LAPTM4B: variants seen among roughly 807,000 people sequenced by gnomAD.
The protein encoded by LAPTM4B is lysosomal protein transmembrane 4 beta.
LAPTM4B carries 26 observed loss-of-function variants against 28.5 expected under a neutral mutation model. The ratio of observed to expected loss-of-function variants is 0.91; its 90% CI spans 0.67 to 1.27. The LOEUF (loss-of-function observed/expected upper bound fraction) is 1.27, where lower values mean the gene tolerates loss of function less well. Ranked by LOEUF, LAPTM4B falls within the 50% of genes most tolerant of loss-of-function variation. LAPTM4B has a pLI of 0.00. For missense variants in LAPTM4B, 288 were observed against 285.8 expected (o/e 1.01, Z -0.06); for synonymous variants, 109 against 106.4 (o/e 1.02, Z -0.15).
At chr8:97,799,676 T>C (rs1816641579) in intron 1 of LAPTM4B, among the ~76,000 whole-genome samples, 1 of 152,174 alleles carries the variant, frequency 6.6e-6, no homozygotes, top group Non-Finnish European at 1.5e-5. Flanking sequence ...GCCAGTTTGT[T>C]CTTTCTAACA....
intron 3 of LAPTM4B, 23 bp downstream of exon 3, chr8:97,815,424 C>T (rs1427072800): frequency 6.4e-7 from 1 of 1,557,456 alleles, no homozygotes; most frequent in Non-Finnish European, 8.9e-7. Flanking sequence ...CAGTAAGATG[C>T]TGGCCTTTTC....
chr8:97,823,720 T>A (rs569497196), intron 5 of LAPTM4B, among the ~76,000 whole-genome samples: 1 of 130,616 alleles, frequency 7.7e-6, no homozygotes, highest in South Asian at 2.5e-4. Flanking sequence ...TTTTCGGAGA[T>A]GGAGTCTCGC....
At chr8:97,789,601 C>T (rs12676590) in intron 1 of LAPTM4B, among the ~76,000 whole-genome samples, 1 of 147,030 alleles carries the variant, frequency 6.8e-6, no homozygotes, top group African/African-American at 2.5e-5. Context: ...GATCTCGGCT[C>T]ATCGCAACCC....
At chr8:97,844,410 T>C (rs1817398745) in intron 6 of LAPTM4B, among the ~76,000 whole-genome samples, 1 of 152,174 alleles carries the variant, frequency 6.6e-6, no homozygotes, top group South Asian at 2.1e-4. Context: ...GCTGTTCTAA[T>C]GCTAGAACTC....
chr8:97,778,430 C>G (rs1270069171), intron 1 of LAPTM4B, among the ~76,000 whole-genome samples: 1 of 151,948 alleles, frequency 6.6e-6, no homozygotes, highest in African/African-American at 2.4e-5. Flanking sequence ...AAGACTCCAT[C>G]TTGGCTCCTT....
At chr8:97,787,659 C>G (rs181692355) in intron 1 of LAPTM4B, among the ~76,000 whole-genome samples, 1 of 152,278 alleles carries the variant, frequency 6.6e-6, no homozygotes, top group Admixed American at 6.5e-5. Flanking sequence ...TTAAAGAATA[C>G]AAGTCCTTTA....
intron 2 of LAPTM4B, among the ~76,000 whole-genome samples, chr8:97,810,998 T>G (rs988323881): frequency 1.3e-5 from 2 of 152,126 alleles, no homozygotes. Context: ...AAAGAAGATA[T>G]CCATAAGAGA....
chr8:97,816,555 C>T (rs1169632754), intron 4 of LAPTM4B, among the ~76,000 whole-genome samples: 1 of 152,140 alleles, frequency 6.6e-6, no homozygotes, highest in Non-Finnish European at 1.5e-5. Context: ...TCTTGGCCTC[C>T]CAAAGTGCTG....
At chr8:97,823,388 T>TG (rs1817041390) in intron 5 of LAPTM4B, among the ~76,000 whole-genome samples, 4 of 117,264 alleles carry the variant, frequency 3.4e-5, no homozygotes, top group Admixed American at 9.5e-5. Flanking sequence ...TGTTGTTGTT[T>TG]TTTTGAGACG....
chr8:97,830,393 G>GGA (rs1304518410), intron 6 of LAPTM4B, among the ~76,000 whole-genome samples: 2 of 152,172 alleles, frequency 1.3e-5, no homozygotes, highest in Admixed American at 6.5e-5. Flanking sequence ...GGTGAGACCA[G>GGA]GAGATGTCAG....
At chr8:97,798,932 C>T (rs1043139607) in intron 1 of LAPTM4B, among the ~76,000 whole-genome samples, 2 of 152,214 alleles carry the variant, frequency 1.3e-5, no homozygotes, top group East Asian at 1.9e-4. Context: ...AAATCGACGT[C>T]GTCATAGTCC....
At position 97,845,942 on chromosome 8, in the gene LAPTM4B, G is replaced by T. The variant is rs1252965540; in HGVS notation, c.604-5455G>T. ...GGGTCTTGCTCTGTCACCCAGGTTG[G>T]AGTGCAGTGGTACGATCGTGTTTCA... On this transcript the variant is annotated intron_variant, in intron 6 of 6. Coordinates refer to ENST00000521545, the MANE Select transcript of LAPTM4B (RefSeq NM_018407.6). 2.3e-4 allele frequency among the ~76,000 whole-genome samples: 29 copies of T among 125,766 alleles called. No homozygotes were observed. The East Asian group carries it at 7.2e-3, about 31-fold the overall frequency. The allele number at this position is 125,766 out of a possible 152,430, so 82.5% of individuals were successfully genotyped here. A position where few individuals can be genotyped will look rare whatever the true frequency, so the allele number is the denominator to read the frequency against.
intron 1 of LAPTM4B, among the ~76,000 whole-genome samples, chr8:97,781,757 T>C (rs918659574): frequency 1.3e-5 from 2 of 152,242 alleles, no homozygotes; most frequent in African/African-American, 4.8e-5. Flanking sequence ...GGAATTATGC[T>C]GTGTGTACCC....
chr8:97,848,753 TGTGGTGAA>T (rs1817469076), intron 6 of LAPTM4B, among the ~76,000 whole-genome samples: 1 of 152,228 alleles, frequency 6.6e-6, no homozygotes, highest in Non-Finnish European at 1.5e-5. Flanking sequence ...GGTGGGGCAT[TGTGGTGAA>T]GCTCAGTCTT....
chr8:97,823,343 GGT>G (rs1491389762), intron 5 of LAPTM4B, among the ~76,000 whole-genome samples: 2 of 62,722 alleles, frequency 3.2e-5, no homozygotes, highest in Non-Finnish European at 6.4e-5. Context: ...CATACAATAT[GGT>G]TTTTTTTTTT....
rs544866541 is a variant in LAPTM4B at position 97,797,038 on chromosome 8, G to A, written c.100-8315G>A. Among the ~76,000 whole-genome samples the A allele has an allele frequency of 2.0e-5, 3 of 152,196 alleles. No individual in the cohort carries two copies. In the South Asian group the frequency reaches 6.2e-4, roughly 32 times the overall value. ...AGCACTTTGGGAGGCTTCTGTGGGAGCATCGCTTAAACCCAGGAGTTTGAG... is the reference window on the plus strand; with the variant it reads ...AGCACTTTGGGAGGCTTCTGTGGGAACATCGCTTAAACCCAGGAGTTTGAG... On this transcript the variant is annotated intron_variant, in intron 1 of 6. Coordinates refer to ENST00000521545, the MANE Select transcript of LAPTM4B (RefSeq NM_018407.6).
intron 6 of LAPTM4B, among the ~76,000 whole-genome samples, chr8:97,830,288 G>A (rs914567663): frequency 1.3e-5 from 2 of 152,136 alleles, no homozygotes; most frequent in African/African-American, 4.8e-5. Flanking sequence ...AAAGTGAGTA[G>A]AAAAGAACTT....
intron 6 of LAPTM4B, among the ~76,000 whole-genome samples, chr8:97,837,686 A>C (rs1817283529): frequency 6.6e-6 from 1 of 152,212 alleles, no homozygotes; most frequent in African/African-American, 2.4e-5. Flanking sequence ...GGTACATTAA[A>C]AGCAGCTCAC....
In LAPTM4B at chr8:97,837,174, T is replaced by G. The variant is rs112041281; in HGVS notation, c.603+12021T>G. Among the ~76,000 whole-genome samples, 211 of 151,022 alleles carry G rather than the reference T, an allele frequency of 1.4e-3. 1 individual carries two copies. Among genetic ancestry groups the G allele is most frequent in the African/African-American group, 4.9e-3 (201 of 41,158 alleles). On this transcript the variant is annotated intron_variant, in intron 6 of 6. Coordinates refer to ENST00000521545, the MANE Select transcript of LAPTM4B (RefSeq NM_018407.6). Reference sequence around the variant, plus strand: ...CTTTCAAAAATTGTGCATGAAAAATTTGATGTTTTTCCTCCTGCCACTTTT... The same window carrying G: ...CTTTCAAAAATTGTGCATGAAAAATGTGATGTTTTTCCTCCTGCCACTTTT...
Sources: allele counts gnomAD v4.1 joint callset (sites outside exome capture counted in the v4.1 genomes callset), GRCh38; gene constraint gnomAD v4.1.1; transcripts MANE v1.5; gene names NCBI Gene and HGNC (gene_info 2026-07-23, HGNC 2026-07-21).